Variants in DISP1 observed in about 807,000 individuals in gnomAD.
DISP1 encodes the protein dispatched RND transporter family member 1, also known as protein dispatched homolog 1.
Under a neutral mutation model 37.3 loss-of-function variants are expected in DISP1, and 30 were observed. The ratio of observed to expected loss-of-function variants is 0.80; its 90% CI spans 0.60 to 1.09. DISP1 has a LOEUF of 1.09. Ranked by LOEUF, DISP1 falls within the 50% of genes least tolerant of loss-of-function variation. The pLI, the probability that DISP1 is intolerant of heterozygous loss-of-function variation, is 0.00. For missense variants in DISP1, 1,598 were observed against 1,879.5 expected, an observed-to-expected ratio of 0.85 and a Z score of 2.77; for synonymous variants, 634 against 690.2, an observed-to-expected ratio of 0.92 and a Z score of 1.28.
intron 1 of DISP1, among the ~76,000 whole-genome samples, chr1:222,882,925 G>A (rs890417265): frequency 2.6e-5 from 4 of 152,032 alleles, no homozygotes; most frequent in South Asian, 2.1e-4. Context: ...GAAAATTTTC[G>A]GAGAGAATCT....
At chr1:222,994,056 C>G (rs1019968439) in intron 7 of DISP1, among the ~76,000 whole-genome samples, 1 of 152,192 alleles carries the variant, frequency 6.6e-6, no homozygotes, top group African/African-American at 2.4e-5. Context: ...TTCTTTAATA[C>G]GTGGTTCATA....
intron 1 of DISP1, among the ~76,000 whole-genome samples, chr1:222,922,425 G>T (rs1241962771): frequency 6.6e-6 from 1 of 152,140 alleles, no homozygotes; most frequent in Non-Finnish European, 1.5e-5. Flanking sequence ...GAAAGGATGG[G>T]TATATGTGAC....
At chr1:222,898,589 T>C (rs1232897238) in intron 1 of DISP1, among the ~76,000 whole-genome samples, 1 of 150,806 alleles carries the variant, frequency 6.6e-6, no homozygotes, top group Non-Finnish European at 1.5e-5. Context: ...TAGATTAAAG[T>C]GTACACATTC....
At chr1:222,902,501 A>G (rs1671652748) in intron 1 of DISP1, among the ~76,000 whole-genome samples, 1 of 152,208 alleles carries the variant, frequency 6.6e-6, no homozygotes, top group Non-Finnish European at 1.5e-5. Flanking sequence ...AGAAACTACC[A>G]TCAGAGTGAA....
chr1:222,935,179 C>T (rs1033666210), intron 2 of DISP1, among the ~76,000 whole-genome samples: 2 of 152,116 alleles, frequency 1.3e-5, no homozygotes, highest in Non-Finnish European at 2.9e-5. Flanking sequence ...AACTGCATCT[C>T]TAGGTGATCC....
intron 2 of DISP1, among the ~76,000 whole-genome samples, chr1:222,932,482 C>T (rs1376936863): frequency 6.6e-6 from 1 of 151,864 alleles, no homozygotes; most frequent in East Asian, 1.9e-4. Context: ...TAGATAACTA[C>T]TTATATAGGA....
intron 1 of DISP1, among the ~76,000 whole-genome samples, chr1:222,870,719 A>T (rs1436840066): frequency 6.6e-6 from 1 of 151,566 alleles, no homozygotes; most frequent in Non-Finnish European, 1.5e-5. Context: ...GATTGCAAAA[A>T]TTTTCTCCCA....
chr1:222,990,023 C>G (rs1003943794), intron 4 of DISP1, among the ~76,000 whole-genome samples: 2 of 151,994 alleles, frequency 1.3e-5, no homozygotes, highest in African/African-American at 4.8e-5. Context: ...AGGATGGTCT[C>G]GAACTCCTGA....
At position 223,002,689 on chromosome 1, in the gene DISP1, T is replaced by C. The variant is rs1454626478; in HGVS notation, c.1292T>C (p.Leu431Ser). The C allele has an allele frequency of 2.5e-6, 4 of 1,614,048 alleles. No individual in the cohort carries two copies. The highest frequency in any genetic ancestry group is 1.1e-5 in the South Asian group (1 of 91,080). ...YNAVYQILHY[L>S]VDKDFMTPKT... ...GCTGTGTACCAGATCCTCCATTACT[T>C]GGTGGACAAAGACTTTATGACCCCA... is the stretch of plus-strand genomic sequence containing the variant. Residue 431 changes from leucine (L) to serine (S), a missense_variant, in exon 9 of 9, where the codon TTG (leucine) becomes TCG (serine). Transcript: ENST00000675850.
intron 1 of DISP1, among the ~76,000 whole-genome samples, chr1:222,836,517 C>T (rs917315265): frequency 6.6e-6 from 1 of 152,046 alleles, no homozygotes; most frequent in Non-Finnish European, 1.5e-5. Flanking sequence ...AAATCAGGAA[C>T]CCAGGGTCTG....
intron 1 of DISP1, among the ~76,000 whole-genome samples, chr1:222,897,504 C>T (rs1260177915): frequency 6.6e-6 from 1 of 152,092 alleles, no homozygotes; most frequent in East Asian, 1.9e-4. Flanking sequence ...AAAATAAAAA[C>T]ATGAAACTTT....
rs528158042 is a variant in DISP1, at chr1:222,993,976, CTTAT to C, written c.890-906_890-903del. On this transcript the variant is annotated intron_variant, in intron 7 of 8. Transcript: ENST00000675850. The stretch of plus-strand genomic sequence containing the variant: ...AAAGCTTTATTCATAAATTTACCAG[CTTAT>C]TTGTTAGCACAATTAGACATTTTAA... Among the ~76,000 whole-genome samples, 329 of 152,276 alleles carry C rather than the reference CTTAT, an allele frequency of 2.2e-3. 2 individuals are homozygous for C. The highest frequency in any genetic ancestry group is 7.4e-3 in the African/African-American group (308 of 41,560).
intron 1 of DISP1, among the ~76,000 whole-genome samples, chr1:222,913,580 A>C (rs796867991): frequency 3.9e-5 from 6 of 152,198 alleles, no homozygotes; most frequent in Admixed American, 1.3e-4. Context: ...CTTTAAAAAA[A>C]GTTGCAAGGT....
chr1:222,932,848 G>C (rs2789971), intron 2 of DISP1, among the ~76,000 whole-genome samples: 38,545 of 151,782 alleles, frequency 0.25, 5,116 homozygotes, highest in South Asian at 0.47. Context: ...TTGTGAGAGT[G>C]CTCTTGAAAT....
intron 1 of DISP1, among the ~76,000 whole-genome samples, chr1:222,841,373 C>T (rs951342285): frequency 2.0e-5 from 3 of 151,902 alleles, no homozygotes; most frequent in Non-Finnish European, 4.4e-5. Context: ...CATTAATAAC[C>T]CTATAAGGTG....
chr1:222,985,268 C>G (rs1034339391), intron 4 of DISP1, among the ~76,000 whole-genome samples: 7 of 152,210 alleles, frequency 4.6e-5, no homozygotes, highest in African/African-American at 1.7e-4. Context: ...TTCAACAAAG[C>G]CTTTCCTGAT....
chr1:223,002,492 G>A lies in DISP1; in HGVS notation c.1095G>A (p.Ser365=), dbSNP rs201330756. 1.8e-5 allele frequency: 29 copies of A among 1,614,144 alleles called. No homozygotes were observed. Among genetic ancestry groups the A allele is most frequent in the Non-Finnish European group, 2.0e-5 (24 of 1,180,026 alleles). The change falls in exon 9 of 9, where the codon TCG becomes TCA. Residue 365 remains serine (S), a synonymous_variant. Transcript: ENST00000675850. ...GNYIAILNNR[S]SCQKIVERDV... is the part of the protein sequence containing the mutation. ...ACATCGCCATTCTGAACAATAGATC[G>A]TCCTGTCAGAAAATAGTTGAGCGAG...
chr1:222,828,844 T>A (rs1207000162), intron 1 of DISP1, among the ~76,000 whole-genome samples: 5 of 152,170 alleles, frequency 3.3e-5, no homozygotes, highest in Admixed American at 6.5e-5. Context: ...TAAAAAAAAA[T>A]TTTAAGTACT....
At chr1:222,815,496 C>T (rs1196521943) in intron 1 of DISP1, among the ~76,000 whole-genome samples, 2 of 152,238 alleles carry the variant, frequency 1.3e-5, no homozygotes, top group East Asian at 1.9e-4. Context: ...GGAGTCAGTC[C>T]TTCTCTGAGG....
Sources: allele counts gnomAD v4.1 joint callset (sites outside exome capture counted in the v4.1 genomes callset), GRCh38; gene constraint gnomAD v4.1.1; transcripts MANE v1.5; gene names NCBI Gene and HGNC (gene_info 2026-07-23, HGNC 2026-07-21).